Variants in GAA observed in about 807,000 individuals in gnomAD.
The protein encoded by GAA is lysosomal alpha-glucosidase.
Under a neutral mutation model 103.9 loss-of-function variants are expected in GAA, and 88 were observed. The observed-to-expected ratio is 0.85, with a 90% CI of 0.71 to 1.01. GAA has a LOEUF of 1.01. Ranked by LOEUF, GAA falls within the 50% of genes least tolerant of loss-of-function variation. The pLI is 0.00. For missense variants in GAA, 1,350 were observed against 1,305.3 expected (o/e 1.03, Z -0.53); for synonymous variants, 572 against 563.1 (o/e 1.02, Z -0.22).
intron 1 of GAA, chr17:80,102,451 A>G (rs2038976892): frequency 6.6e-6 from 1 of 152,310 alleles, no homozygotes; most frequent in East Asian, 1.9e-4. Flanking sequence ...ATGGCCAGAA[A>G]GACCAAGGCC....
chr17:80,105,887 C>T lies in GAA; in HGVS notation c.685C>T (p.Arg229Cys), dbSNP rs375295347. Residue 229 changes from arginine (R) to cysteine (C), a missense_variant, in exon 3 of 20, where the codon CGC becomes TGC. Arg to Cys is a radical substitution (Grantham distance 180, BLOSUM62 -3). Coordinates refer to ENST00000302262, the MANE Select transcript of GAA (RefSeq NM_000152.5). ...GATCGTGCGCCGGCAGCTGGACGGC[C>T]GCGTGCTGTGAGTTCTGGGCTCTGT... ...GVIVRRQLDG[R>C]VLLNTTVAPL... is the part of the protein sequence containing the mutation. 8.8e-6 allele frequency: 14 copies of T among 1,595,574 alleles called. No homozygotes were observed. Among genetic ancestry groups the T allele is most frequent in the Middle Eastern group, 3.8e-4 (2 of 5,216 alleles).
At chr17:80,105,199 A>G (rs2039052448) in intron 2 of GAA, 67 bp downstream of exon 2, 1 of 1,444,080 alleles carries the variant, frequency 6.9e-7, no homozygotes, top group Non-Finnish European at 9.4e-7. Context: ...ACACCCACGC[A>G]CCTCACAAGG....
At chr17:80,103,518 C>T (rs186966650) in intron 1 of GAA, among the ~76,000 whole-genome samples, 1 of 152,180 alleles carries the variant, frequency 6.6e-6, no homozygotes, top group Non-Finnish European at 1.5e-5. Context: ...TCCGGCTGCT[C>T]CTGGGAGGAG....
At chr17:80,106,032 A>G (rs1304619982) in intron 3 of GAA, 138 bp downstream of exon 3, 2 of 1,197,444 alleles carry the variant, frequency 1.7e-6, no homozygotes, top group Admixed American at 2.6e-5. Context: ...GGGGAGGGCG[A>G]CGGGCATTTC....
chr17:80,111,750 C>A, intron 11 of GAA: 1 of 566,408 alleles, frequency 1.8e-6, no homozygotes, highest in Non-Finnish European at 3.2e-6. Flanking sequence ...GTCTGCAGAG[C>A]CCAGGCTCCA....
chr17:80,108,077 G>A (rs369569621), intron 5 of GAA, among the ~76,000 whole-genome samples, 181 bp downstream of exon 5: 2 of 152,192 alleles, frequency 1.3e-5, no homozygotes, highest in African/African-American at 4.8e-5. Flanking sequence ...GGAGGGTTCT[G>A]GGGCCCTGCC....
chr17:80,112,690 C>T lies in GAA; in HGVS notation c.1867C>T (p.Gln623Ter). 1.2e-6 allele frequency: 2 copies of T among 1,610,060 alleles called. No homozygotes were observed. Among genetic ancestry groups the T allele is most frequent in the East Asian group, 2.2e-5 (1 of 44,792 alleles). Residue 623 changes from glutamine (Q) to a stop codon, truncating the protein, a stop_gained, in exon 13 of 20, where the codon CAG becomes TAG. Transcript: ENST00000302262. LOFTEE classifies it high-confidence loss of function. ...WTGDVWSSWEQLASSVPEILQ... is the reference protein window; with the variant it reads ...WTGDVWSSWE ...GGGGGACGTGTGGAGCTCCTGGGAGCAGCTCGCCTCCTCCGTGCCAGGTGA... is the reference window on the plus strand; with the variant it reads ...GGGGGACGTGTGGAGCTCCTGGGAGTAGCTCGCCTCCTCCGTGCCAGGTGA...
chr17:80,107,411 C>A, intron 3 of GAA, 146 bp from the exon 4 acceptor site: 1 of 1,050,966 alleles, frequency 9.5e-7, no homozygotes, highest in Non-Finnish European at 1.5e-6. Flanking sequence ...TCGGCACGGC[C>A]GCCTGTCCCA....
Position 80,118,370 on chromosome 17 carries a change from G to A in GAA, c.2646+13G>A. The stretch of plus-strand genomic sequence containing the variant: ...CCTGGCCAGGAATGTGAGTCCTGGG[G>A]CTGCTCAGGCTGGTGGGCAGGGGCC... On this transcript the variant is annotated intron_variant, in intron 18 of 19. Coordinates refer to ENST00000302262, the MANE Select transcript of GAA (RefSeq NM_000152.5). 1 of 1,558,614 alleles carries A rather than the reference G, an allele frequency of 6.4e-7. No homozygotes were observed. Among genetic ancestry groups the A allele is most frequent in the Non-Finnish European group, 8.7e-7 (1 of 1,151,268 alleles).
chr17:80,112,422 C>G (rs2039258336), intron 12 of GAA, 156 bp from the exon 13 acceptor site: 1 of 947,526 alleles, frequency 1.1e-6, no homozygotes, highest in Non-Finnish European at 1.6e-6. Context: ...ACAGAGGCAA[C>G]TGTGCCCGCA....
intron 11 of GAA, chr17:80,111,777 G>C: frequency 1.7e-6 from 1 of 591,484 alleles, no homozygotes; most frequent in Non-Finnish European, 3.0e-6. Flanking sequence ...GCCCAGCCCT[G>C]TCTTAGAAGC....
chr17:80,118,099 C>T (rs1177541806), intron 17 of GAA, 94 bp from the exon 18 acceptor site: 4 of 1,398,036 alleles, frequency 2.9e-6, no homozygotes, highest in South Asian at 1.3e-5. Flanking sequence ...TTACTGGCAG[C>T]CTGGTGCTGT....
At position 80,118,646 on chromosome 17, in the gene GAA, G is replaced by A. The variant is rs192679574; in HGVS notation, c.2647-7G>A. 25 of 1,611,694 alleles carry A rather than the reference G, an allele frequency of 1.6e-5. No individual in the cohort carries two copies. Among genetic ancestry groups the A allele is most frequent in the East Asian group, 8.9e-5 (4 of 44,868 alleles). On this transcript the variant is annotated splice_polypyrimidine_tract_variant and splice_region_variant and intron_variant, in intron 18 of 19. Coordinates refer to ENST00000302262, the MANE Select transcript of GAA (RefSeq NM_000152.5). ...TCTGCCTTTTCATCTCTCTCTGCTC[G>A]GCCCAGAACACGATCGTGAATGAGC... is the stretch of plus-strand genomic sequence containing the variant.
In GAA at chr17:80,104,590, G is replaced by T. The variant is rs1567825175; in HGVS notation, c.4G>T (p.Gly2Ter). 1.2e-6 allele frequency: 2 copies of T among 1,610,044 alleles called. No individual in the cohort carries two copies. Among genetic ancestry groups the T allele is most frequent in the Non-Finnish European group, 1.7e-6 (2 of 1,178,586 alleles). The change falls in exon 2 of 20, where the codon GGA becomes TGA. Residue 2 changes from glycine to a stop codon, truncating the protein, a stop_gained. Coordinates refer to ENST00000302262, the MANE Select transcript of GAA (RefSeq NM_000152.5). LOFTEE classifies it high-confidence loss of function. The surrounding 1 kb of genome is among the most constrained non-coding windows in gnomAD (Gnocchi z 4.0). The part of the protein sequence containing the change: M[G>*]VRHPPCSHRL... ...GCTGTCCAGGCCATCTCCAACCATG[G>T]GAGTGAGGCACCCGCCCTGCTCCCA... is the stretch of plus-strand genomic sequence containing the variant.
rs755402236 is a variant in GAA at position 80,104,854 on chromosome 17, T to A, written c.268T>A (p.Phe90Ile). 1 of 1,612,890 alleles carries A rather than the reference T, an allele frequency of 6.2e-7. No individual in the cohort carries two copies. The highest frequency in any genetic ancestry group is 8.5e-7 in the Non-Finnish European group (1 of 1,179,910). Residue 90 changes from phenylalanine (F) to isoleucine (I), a missense_variant, in exon 2 of 20, where the codon TTC (phenylalanine) becomes ATC (isoleucine). By Grantham distance (21) the Phe-to-Ile change is conservative. Coordinates refer to ENST00000302262, the MANE Select transcript of GAA (RefSeq NM_000152.5). This position sits in a 1 kb window ranked among gnomAD's most constrained non-coding sequence, Gnocchi z 4.0. ...GTGCGACGTCCCCCCCAACAGCCGC[T>A]TCGATTGCGCCCCTGACAAGGCCAT... Reference protein sequence around the residue: ...TQCDVPPNSRFDCAPDKAITQ... With the variant: ...TQCDVPPNSRIDCAPDKAITQ...
In GAA at chr17:80,110,860, G is replaced by A. The variant is rs1258162019; in HGVS notation, c.1551+20G>A. The A allele has an allele frequency of 1.2e-6, 2 of 1,613,714 alleles. No individual in the cohort carries two copies. Among genetic ancestry groups the A allele is most frequent in the South Asian group, 1.1e-5 (1 of 91,074 alleles). On this transcript the variant is annotated intron_variant, in intron 10 of 19. Transcript: ENST00000302262. The stretch of plus-strand genomic sequence containing the variant: ...TGGATTGTAAGTGTGGCCCCCTCCT[G>A]AGCATCCCCAAGGCCTCTGGGGACT...
rs150797523 is a variant in GAA, at chr17:80,104,636, C to T, written c.50C>T (p.Ala17Val). The change falls in exon 2 of 20, where the codon GCC becomes GTC. Residue 17 changes from alanine to valine, a missense_variant. Coordinates refer to ENST00000302262, the MANE Select transcript of GAA (RefSeq NM_000152.5). This position sits in a 1 kb window ranked among gnomAD's most constrained non-coding sequence, Gnocchi z 4.0. The stretch of plus-strand genomic sequence containing the variant: ...TCCCACCGGCTCCTGGCCGTCTGCG[C>T]CCTCGTGTCCTTGGCAACCGCTGCA... The part of the protein sequence containing the change: ...PCSHRLLAVC[A>V]LVSLATAALL... 1 of 1,613,124 alleles carries T rather than the reference C, an allele frequency of 6.2e-7. No homozygotes were observed. Among genetic ancestry groups the T allele is most frequent in the African/African-American group, 1.3e-5 (1 of 75,046 alleles).
Position 80,108,305 on chromosome 17 carries a change from C to G in GAA, c.971C>G (p.Pro324Arg), listed in dbSNP as rs750030887. ...NSNAMDVVLQ[P>R]SPALSWRSTG... ...TCCCTTCCAGATGTGGTCCTGCAGC[C>G]GAGCCCTGCCCTTAGCTGGAGGTCG... Residue 324 changes from proline (P) to arginine (R), a missense_variant, in exon 6 of 20, where the codon CCG (proline) becomes CGG (arginine). By Grantham distance (103) the Pro-to-Arg change is moderately radical (BLOSUM62 -2). Coordinates refer to ENST00000302262, the MANE Select transcript of GAA (RefSeq NM_000152.5). The G allele has an allele frequency of 6.2e-7, 1 of 1,613,588 alleles. No individual in the cohort carries two copies. The highest frequency in any genetic ancestry group is 8.5e-7 in the Non-Finnish European group (1 of 1,180,016).
At position 80,119,473 on chromosome 17, in the gene GAA, T is replaced by C; in HGVS notation, c.*142T>C. The C allele has an allele frequency of 2.7e-6, 2 of 740,410 alleles. No individual in the cohort carries two copies. The highest frequency in any genetic ancestry group is 2.9e-5 in the South Asian group (2 of 68,288). 45.9% of individuals were successfully genotyped at this position (740,410 alleles called of 1,614,324 possible). A position where few individuals can be genotyped will look rare whatever the true frequency, so the allele number is the denominator to read the frequency against. On this transcript the variant is annotated 3_prime_UTR_variant, in exon 20 of 20. Coordinates refer to ENST00000302262, the MANE Select transcript of GAA (RefSeq NM_000152.5). ...GCACTAACCATTCCAAGCCGCCGCA[T>C]CGCTTGTTTCCACCTCCTGGGCCGG... is the stretch of plus-strand genomic sequence containing the variant.
Sources: allele counts gnomAD v4.1 joint callset (sites outside exome capture counted in the v4.1 genomes callset), GRCh38; gene constraint gnomAD v4.1.1; non-coding constraint Gnocchi (gnomAD v3.1); transcripts MANE v1.5; gene names NCBI Gene and HGNC (gene_info 2026-07-23, HGNC 2026-07-21).